STXBP5L: variants seen among roughly 807,000 people sequenced by gnomAD.
STXBP5L encodes the protein syntaxin-binding protein 5-like.
Under a neutral mutation model 144.5 loss-of-function variants are expected in STXBP5L, and 65 were observed. The observed-to-expected ratio is 0.45, with a 90% confidence interval of 0.37 to 0.55. The LOEUF is 0.55. Ranked by LOEUF, STXBP5L falls within the 20% of genes least tolerant of loss-of-function variation. STXBP5L has a pLI of 0.00. For missense variants in STXBP5L, 1,298 were observed against 1,405.5 expected (o/e 0.92, Z 1.22); for synonymous variants, 505 against 469.6 (o/e 1.08, Z -0.97).
intron 7 of STXBP5L, among the ~76,000 whole-genome samples, chr3:121,140,325 A>G (rs1429443744): frequency 6.6e-6 from 1 of 152,160 alleles, no homozygotes; most frequent in Non-Finnish European, 1.5e-5. Flanking sequence ...AGAAAATAGT[A>G]TGGAGATTCC....
At chr3:121,398,381 G>T (rs1422295049) in intron 22 of STXBP5L, among the ~76,000 whole-genome samples, 1 of 152,204 alleles carries the variant, frequency 6.6e-6, no homozygotes, top group Non-Finnish European at 1.5e-5. Flanking sequence ...CGGCTGTGGT[G>T]GGGGACAGAT....
intron 3 of STXBP5L, among the ~76,000 whole-genome samples, chr3:121,023,521 A>G (rs749214012): frequency 1.3e-5 from 2 of 152,236 alleles, no homozygotes; most frequent in Non-Finnish European, 2.9e-5. Flanking sequence ...TTACCAAAAC[A>G]GTGGTATTGG....
chr3:121,073,992 T>C (rs2041916922), intron 5 of STXBP5L, among the ~76,000 whole-genome samples: 1 of 152,226 alleles, frequency 6.6e-6, no homozygotes, highest in Middle Eastern at 3.2e-3. Flanking sequence ...CGAAGGAGGC[T>C]TTCTGTGCCT....
chr3:121,099,305 T>A (rs1411162303), intron 5 of STXBP5L: 1 of 152,190 alleles, frequency 6.6e-6, no homozygotes, highest in Non-Finnish European at 1.5e-5. Context: ...CAGAGATACC[T>A]CTGCAGATAC....
chr3:120,977,529 A>G (rs1008075191), intron 3 of STXBP5L, among the ~76,000 whole-genome samples: 3 of 152,168 alleles, frequency 2.0e-5, no homozygotes, highest in African/African-American at 7.2e-5. Context: ...TAATTGTAGC[A>G]TTTAGTCCTT....
In STXBP5L at chr3:121,116,986, C is replaced by A. The variant is rs186558056; in HGVS notation, c.605+1927C>A. 1.1e-3 allele frequency among the ~76,000 whole-genome samples: 172 copies of A among 151,990 alleles called. 1 individual carries two copies. In the Middle Eastern group the frequency reaches 0.014, roughly 12 times the overall value. On this transcript the variant is annotated intron_variant, in intron 6 of 26. Coordinates refer to ENST00000471454, the MANE Select transcript of STXBP5L (RefSeq NM_001308330.2). ...AAAGTAATTGAGAAGAATTTGTTAT[C>A]TTAAGCAAATTAAACATTTCACCAC...
chr3:121,206,742 A>T (rs1469627498), intron 10 of STXBP5L, among the ~76,000 whole-genome samples: 6 of 152,174 alleles, frequency 3.9e-5, no homozygotes, highest in Admixed American at 3.9e-4. Context: ...TGAGCCCAGG[A>T]GGTGGAGGTT....
At chr3:121,168,323 C>G (rs1325777713) in intron 9 of STXBP5L, among the ~76,000 whole-genome samples, 3 of 152,114 alleles carry the variant, frequency 2.0e-5, no homozygotes, top group African/African-American at 7.2e-5. Context: ...GGGAACAAAA[C>G]TTGATGGAGA....
intron 7 of STXBP5L, among the ~76,000 whole-genome samples, chr3:121,133,986 A>G (rs2045122663): frequency 6.6e-6 from 1 of 152,162 alleles, no homozygotes; most frequent in Admixed American, 6.5e-5. Flanking sequence ...GGTGATTACA[A>G]TTTGAGATGA....
At chr3:121,311,854 T>C (rs1266370171) in intron 19 of STXBP5L, among the ~76,000 whole-genome samples, 1 of 152,116 alleles carries the variant, frequency 6.6e-6, no homozygotes, top group Non-Finnish European at 1.5e-5. Flanking sequence ...TTAAAGTTCA[T>C]ATGGAACCAA....
chr3:121,349,104 C>A (rs990807123), intron 20 of STXBP5L, among the ~76,000 whole-genome samples: 1 of 152,130 alleles, frequency 6.6e-6, no homozygotes, highest in African/African-American at 2.4e-5. Context: ...TAGTGCTATA[C>A]ATTTCCCTCT....
At chr3:121,372,792 C>G (rs2046072153) in intron 20 of STXBP5L, among the ~76,000 whole-genome samples, 1 of 151,932 alleles carries the variant, frequency 6.6e-6, no homozygotes, top group South Asian at 2.1e-4. Context: ...CATCTTAGAG[C>G]AGGAATTCAA....
chr3:121,208,840 C>T (rs947345864), intron 10 of STXBP5L, among the ~76,000 whole-genome samples: 11 of 152,010 alleles, frequency 7.2e-5, no homozygotes, highest in Non-Finnish European at 1.2e-4. Context: ...CATAGTTATA[C>T]ACGTGCCATG....
intron 2 of STXBP5L, among the ~76,000 whole-genome samples, chr3:120,925,726 C>G (rs1346719217): frequency 6.6e-6 from 1 of 152,130 alleles, no homozygotes; most frequent in African/African-American, 2.4e-5. Flanking sequence ...TCATTTCTTC[C>G]TTTCTTACTG....
intron 3 of STXBP5L, among the ~76,000 whole-genome samples, chr3:120,965,597 A>G (rs1380218427): frequency 6.6e-6 from 1 of 152,160 alleles, no homozygotes; most frequent in South Asian, 2.1e-4. Flanking sequence ...AATGTTGGAT[A>G]TTGGCCCCCA....
chr3:120,984,253 C>A (rs1214317735), intron 3 of STXBP5L, among the ~76,000 whole-genome samples: 1 of 152,150 alleles, frequency 6.6e-6, no homozygotes, highest in East Asian at 1.9e-4. Flanking sequence ...GCTGATGGAG[C>A]CTAAAATGAC....
intron 3 of STXBP5L, among the ~76,000 whole-genome samples, chr3:121,028,573 G>A (rs1158148583): frequency 6.6e-6 from 1 of 151,976 alleles, no homozygotes; most frequent in African/African-American, 2.4e-5. Context: ...ATTCTAAGGA[G>A]ATCTTTTAGA....
intron 5 of STXBP5L, among the ~76,000 whole-genome samples, chr3:121,055,841 T>C (rs1219065447): frequency 2.7e-5 from 4 of 150,628 alleles, no homozygotes; most frequent in Non-Finnish European, 4.4e-5. Context: ...TGCACTATGA[T>C]GCCTGACTAA....
intron 22 of STXBP5L, among the ~76,000 whole-genome samples, chr3:121,402,940 C>T (rs1172408524): frequency 1.3e-5 from 2 of 152,152 alleles, no homozygotes; most frequent in Non-Finnish European, 2.9e-5. Context: ...AACGATCCTC[C>T]CATCTCAGCC....
Sources: allele counts gnomAD v4.1 joint callset (sites outside exome capture counted in the v4.1 genomes callset), GRCh38; gene constraint gnomAD v4.1.1; transcripts MANE v1.5; gene names NCBI Gene and HGNC (gene_info 2026-07-23, HGNC 2026-07-21).